Variants in ZNF341 observed in about 807,000 individuals in gnomAD.
The protein encoded by ZNF341 is zinc finger protein 341.
ZNF341 carries 52 observed loss-of-function variants against 87.7 expected under a neutral mutation model. That is an observed-to-expected ratio of 0.59 (90% CI 0.47 to 0.75). ZNF341 has a LOEUF of 0.75. Ranked by LOEUF, ZNF341 falls within the 30% of genes least tolerant of loss-of-function variation. ZNF341 has a pLI of 0.00. For synonymous variants in ZNF341, 459 were observed against 472.7 expected (o/e 0.97, Z 0.38); for missense variants, 977 against 1,145.9 (o/e 0.85, Z 2.13).
rs771239877 is a variant in ZNF341 at position 33,757,246 on chromosome 20, C to T, written c.840C>T (p.Ala280=). 1.2e-6 allele frequency: 2 copies of T among 1,605,908 alleles called. No homozygotes were observed. The highest frequency in any genetic ancestry group is 2.2e-5 in the South Asian group (2 of 89,630). The part of the protein sequence containing the change: ...GFKPKGPNPA[A]PMTSATGGTV... ...AACCCAAAGGACCAAACCCCGCCGC[C>T]CCCATGACCAGCGCCACCGGGGGCA... is the stretch of plus-strand genomic sequence containing the variant. Residue 280 remains alanine (A), a synonymous_variant, in exon 6 of 15, where the codon GCC becomes GCT. Transcript: ENST00000375200.
chr20:33,751,226 C>T (rs975692210), intron 4 of ZNF341, among the ~76,000 whole-genome samples: 1 of 152,016 alleles, frequency 6.6e-6, no homozygotes, highest in Non-Finnish European at 1.5e-5. Context: ...GACATCTTTG[C>T]CCACCTGCTT....
chr20:33,787,060 T>C (rs948310580), intron 12 of ZNF341: 5 of 150,678 alleles, frequency 3.3e-5, no homozygotes, highest in African/African-American at 1.2e-4. Context: ...GGAAACAATA[T>C]AGGAGTACAT....
chr20:33,776,868 C>T (rs145973422), intron 10 of ZNF341, among the ~76,000 whole-genome samples: 2,941 of 152,140 alleles, frequency 0.019, 106 homozygotes, highest in African/African-American at 0.067. Context: ...CTGTGTTGCC[C>T]AGGCTGGTCT....
At position 33,749,085 on chromosome 20, in the gene ZNF341, G is replaced by C. The variant is rs773954021; in HGVS notation, c.489+13G>C. On this transcript the variant is annotated intron_variant, in intron 4 of 14. Coordinates refer to ENST00000375200, the MANE Select transcript of ZNF341 (RefSeq NM_001282933.2). Reference sequence around the variant, plus strand: ...CCCACCTGTGCAGGTAAGAAGGTGTGGGCTTCTCACAGGGTCTTGATTCCA... The same window carrying C: ...CCCACCTGTGCAGGTAAGAAGGTGTCGGCTTCTCACAGGGTCTTGATTCCA... 11 of 1,609,292 alleles carry C rather than the reference G, an allele frequency of 6.8e-6. No homozygotes were observed. The East Asian group carries it at 2.5e-4, about 36-fold the overall frequency.
chr20:33,783,861 T>G lies in ZNF341; in HGVS notation c.1849T>G (p.Ser617Ala). 3 of 1,612,732 alleles carry G rather than the reference T, an allele frequency of 1.9e-6. No individual in the cohort carries two copies. Among genetic ancestry groups the G allele is most frequent in the Non-Finnish European group, 2.5e-6 (3 of 1,179,444 alleles). Reference protein sequence around the residue: ...HYLKLHAHIHSGEKPYKCSVC... With the variant: ...HYLKLHAHIHAGEKPYKCSVC... ...TCTCAAACTGCATGCTCACATCCAC[T>G]CGGGTAGGTACCCTGCCCCTGAGAA... Residue 617 changes from serine (S) to alanine (A), a missense_variant, in exon 12 of 15, where the codon TCG becomes GCG. Physicochemically the swap from Ser to Ala is moderately conservative, Grantham distance 99. This residue lies in a region of ZNF341 where 241 missense variants were observed against 335.0 expected (regional missense o/e 0.72). Coordinates refer to ENST00000375200, the MANE Select transcript of ZNF341 (RefSeq NM_001282933.2).
chr20:33,752,820 T>G (rs1479246860), intron 4 of ZNF341, among the ~76,000 whole-genome samples: 1 of 151,832 alleles, frequency 6.6e-6, no homozygotes, highest in Non-Finnish European at 1.5e-5. Flanking sequence ...CCCGGCTAAT[T>G]TTTTGTATTT....
chr20:33,763,912 G>A (rs1031183968), intron 8 of ZNF341, among the ~76,000 whole-genome samples: 4 of 151,704 alleles, frequency 2.6e-5, no homozygotes, highest in African/African-American at 9.7e-5. Flanking sequence ...AGCCGGGCAT[G>A]GTGGCTCACG....
intron 11 of ZNF341, among the ~76,000 whole-genome samples, chr20:33,783,238 C>A (rs1039184774): frequency 6.6e-6 from 1 of 152,148 alleles, no homozygotes; most frequent in Non-Finnish European, 1.5e-5. Flanking sequence ...TCCATTAATT[C>A]TTTTACTTGT....
At chr20:33,788,730 A>G in intron 12 of ZNF341, 133 bp from the exon 13 acceptor site, 1 of 732,366 alleles carries the variant, frequency 1.4e-6, no homozygotes, top group South Asian at 1.5e-5. Context: ...CCACTGAAGA[A>G]TGAGAGAGGC....
intron 1 of ZNF341, among the ~76,000 whole-genome samples, chr20:33,739,841 A>G (rs1168260392): frequency 6.6e-6 from 1 of 152,070 alleles, no homozygotes; most frequent in African/African-American, 2.4e-5. Context: ...TGTGTTCTAC[A>G]AGGTTCTCAG....
At chr20:33,753,582 GAGA>G (rs1307435198) in intron 5 of ZNF341, among the ~76,000 whole-genome samples, 159 bp downstream of exon 5, 1 of 152,198 alleles carries the variant, frequency 6.6e-6, no homozygotes, top group Admixed American at 6.5e-5. Context: ...CATCACAGGG[GAGA>G]AGGACTTTAA....
chr20:33,771,891 C>T (rs57660954), intron 10 of ZNF341, among the ~76,000 whole-genome samples: 5,209 of 150,594 alleles, frequency 0.035, 282 homozygotes, highest in African/African-American at 0.12. Flanking sequence ...GGCACGCACC[C>T]GTAGTCCCAG....
intron 5 of ZNF341, among the ~76,000 whole-genome samples, chr20:33,754,692 G>A (rs1011343091): frequency 1.3e-5 from 2 of 152,206 alleles, no homozygotes; most frequent in African/African-American, 4.8e-5. Flanking sequence ...AGCTGCTGCT[G>A]TTGATTTTCC....
chr20:33,744,150 G>C (rs2018867184), intron 2 of ZNF341, among the ~76,000 whole-genome samples: 1 of 152,190 alleles, frequency 6.6e-6, no homozygotes, highest in Admixed American at 6.5e-5. Flanking sequence ...GGGCGTGGTG[G>C]CGCATGCCTG....
In ZNF341 at chr20:33,789,589, G is replaced by A. The variant is rs1415551649; in HGVS notation, c.2035+1G>A. 2 of 1,614,068 alleles carry A rather than the reference G, an allele frequency of 1.2e-6. No individual in the cohort carries two copies. Among genetic ancestry groups the A allele is most frequent in the African/African-American group, 1.3e-5 (1 of 75,036 alleles). On this transcript the variant is annotated splice_donor_variant, in intron 14 of 14. Coordinates refer to ENST00000375200, the MANE Select transcript of ZNF341 (RefSeq NM_001282933.2). LOFTEE classifies it high-confidence loss of function. ...AAGGCCCACATCCTCTCCCACTCTG[G>A]TAAGTGGCTCTTGGGCCTGCTAAGA...
intron 1 of ZNF341, among the ~76,000 whole-genome samples, chr20:33,737,315 A>G (rs2018710184): frequency 6.6e-6 from 1 of 151,722 alleles, no homozygotes. Context: ...TTATTTATTT[A>G]TTTATTTTTT....
Position 33,732,121 on chromosome 20 carries a change from C to A in ZNF341, c.31+69C>A, listed in dbSNP as rs1035618802. 1 of 1,089,826 alleles carries A rather than the reference C, an allele frequency of 9.2e-7. No homozygotes were observed. The highest frequency in any genetic ancestry group is 1.1e-6 in the Non-Finnish European group (1 of 895,480). The allele number at this position is 1,089,826 out of a possible 1,614,324, so 67.5% of individuals were successfully genotyped here. A position where few individuals can be genotyped will look rare whatever the true frequency, so the allele number is the denominator to read the frequency against. On this transcript the variant is annotated intron_variant, in intron 1 of 14. Coordinates refer to ENST00000375200, the MANE Select transcript of ZNF341 (RefSeq NM_001282933.2). The surrounding 1 kb of genome is among the most constrained non-coding windows in gnomAD (Gnocchi z 4.5). ...GCCCCCTCCCGCCGCGCCCTCGCAG[C>A]GCCCGGCCTAGGGCGCGCAGCGGCC...
chr20:33,735,923 A>G lies in ZNF341; in HGVS notation c.31+3871A>G, dbSNP rs139609690. Among the ~76,000 whole-genome samples the G allele has an allele frequency of 8.5e-3, 1,298 of 152,136 alleles. 16 individuals are homozygous for G. The highest frequency in any genetic ancestry group is 0.014 in the Non-Finnish European group (971 of 67,982). ...TCAAGAATACTATATAAATGAAATC[A>G]TAAAGTGTATACCATTGAGATGGGC... is the stretch of plus-strand genomic sequence containing the variant. On this transcript the variant is annotated intron_variant, in intron 1 of 14. Transcript: ENST00000375200.
chr20:33,760,466 A>G (rs1020409703), intron 7 of ZNF341, among the ~76,000 whole-genome samples: 5 of 152,316 alleles, frequency 3.3e-5, no homozygotes, highest in African/African-American at 1.2e-4. Context: ...CTGACTATAC[A>G]TGGCTGTTGA....
Sources: allele counts gnomAD v4.1 joint callset (sites outside exome capture counted in the v4.1 genomes callset), GRCh38; gene constraint gnomAD v4.1.1; regional missense constraint gnomAD v4.1.1; non-coding constraint Gnocchi (gnomAD v3.1); transcripts MANE v1.5; gene names NCBI Gene and HGNC (gene_info 2026-07-23, HGNC 2026-07-21).